The following EIF2AK3 variants were observed in gnomAD, a reference collection of about 807,000 sequenced individuals.
EIF2AK3 encodes the protein eukaryotic translation initiation factor 2 alpha kinase 3, also known as eukaryotic translation initiation factor 2-alpha kinase 3.
EIF2AK3 carries 50 observed loss-of-function variants against 113.5 expected under a neutral mutation model. That is an observed-to-expected ratio of 0.44 (90% CI 0.35 to 0.56). EIF2AK3 has a LOEUF of 0.56. EIF2AK3 is among the 20% of genes least tolerant of loss of function. EIF2AK3 has a pLI of 0.00. For missense variants in EIF2AK3, 1,185 were observed against 1,378.0 expected, an observed-to-expected ratio of 0.86 and a Z score of 2.22; for synonymous variants, 448 against 495.4, an observed-to-expected ratio of 0.90 and a Z score of 1.27.
intron 14 of EIF2AK3, 117 bp from the exon 15 acceptor site, chr2:88,562,507 T>A: frequency 1.2e-6 from 1 of 800,306 alleles, no homozygotes; most frequent in Non-Finnish European, 2.1e-6. Flanking sequence ...TGCAAGTACA[T>A]GTGTAAAAAT....
intron 10 of EIF2AK3, chr2:88,580,105 A>G (rs1223903598): frequency 5.3e-6 from 1 of 188,020 alleles, no homozygotes; most frequent in East Asian, 1.5e-4. Flanking sequence ...TATTTTAGCC[A>G]TAAACCTTCC....
At position 88,595,318 on chromosome 2, in the gene EIF2AK3, C is replaced by T; in HGVS notation, c.633+151G>A. The T allele has an allele frequency of 4.1e-6, 3 of 739,194 alleles. No homozygotes were observed. In the South Asian group the frequency reaches 5.3e-5, roughly 13 times the overall value. The allele number at this position is 739,194 out of a possible 1,614,324, so 45.8% of individuals were successfully genotyped here. On this transcript the variant is annotated intron_variant, in intron 3 of 16. Transcript: ENST00000303236. The stretch of plus-strand genomic sequence containing the variant: ...TTTATTCTGTTATTAGTTTCCCCTT[C>T]CTACCTCACAGTTCTCTTATTAAAA...
intron 1 of EIF2AK3, among the ~76,000 whole-genome samples, chr2:88,624,429 T>C (rs1675808941): frequency 6.6e-6 from 1 of 152,204 alleles, no homozygotes; most frequent in South Asian, 2.1e-4. Flanking sequence ...TTTAACCTCT[T>C]GCAATTTGAG....
At chr2:88,589,877 A>C (rs1674838060) in intron 6 of EIF2AK3, among the ~76,000 whole-genome samples, 1 of 152,056 alleles carries the variant, frequency 6.6e-6, no homozygotes, top group African/African-American at 2.4e-5. Context: ...ATGTTATATA[A>C]TGAGAATATT....
At chr2:88,572,631 T>C (rs1674341722) in intron 13 of EIF2AK3, among the ~76,000 whole-genome samples, 1 of 152,244 alleles carries the variant, frequency 6.6e-6, no homozygotes, top group South Asian at 2.1e-4. Context: ...TCACTTGATC[T>C]CAGCTAAAGC....
chr2:88,576,188 C>T (rs998137114), intron 12 of EIF2AK3, among the ~76,000 whole-genome samples: 13 of 152,128 alleles, frequency 8.5e-5, no homozygotes, highest in African/African-American at 3.1e-4. Flanking sequence ...CTATAAATCC[C>T]TCAATCAATC....
chr2:88,594,341 C>T (rs981563845), intron 3 of EIF2AK3, among the ~76,000 whole-genome samples: 3 of 152,164 alleles, frequency 2.0e-5, no homozygotes, highest in Non-Finnish European at 4.4e-5. Flanking sequence ...TACAGGCGTG[C>T]GTGCGCCACC....
Position 88,570,894 on chromosome 2 carries a change from G to A in EIF2AK3, c.2965C>T (p.Leu989=), listed in dbSNP as rs1674287688. The change falls in exon 14 of 17, where the codon CTG becomes TTG. Residue 989 remains leucine (L), a synonymous_variant. Coordinates refer to ENST00000303236, the MANE Select transcript of EIF2AK3 (RefSeq NM_004836.7). ...ARHTGQVGTK[L]YMSPEQIHGN... ...CTCACCTGCTCTGGGCTCATATACAGTTTGGTCCCTACTTGTCCTGTGTGT... is the reference window on the plus strand; with the variant it reads ...CTCACCTGCTCTGGGCTCATATACAATTTGGTCCCTACTTGTCCTGTGTGT... The A allele has an allele frequency of 1.2e-6, 2 of 1,614,056 alleles. No homozygotes were observed. Among genetic ancestry groups the A allele is most frequent in the African/African-American group, 2.7e-5 (2 of 74,926 alleles).
chr2:88,583,908 CAAAA>C (rs1231912843), intron 9 of EIF2AK3, among the ~76,000 whole-genome samples: 2 of 147,710 alleles, frequency 1.4e-5, no homozygotes, highest in South Asian at 2.1e-4. Flanking sequence ...AGCAAACAAA[CAAAA>C]AACCCAGTAA....
intron 14 of EIF2AK3, among the ~76,000 whole-genome samples, chr2:88,569,173 G>A (rs1337688982): frequency 6.6e-6 from 1 of 152,064 alleles, no homozygotes; most frequent in East Asian, 1.9e-4. Flanking sequence ...TTATAGGTGT[G>A]AGCCACTGCG....
chr2:88,561,961 AAT>A (rs1330035537), intron 15 of EIF2AK3, among the ~76,000 whole-genome samples: 4 of 152,256 alleles, frequency 2.6e-5, no homozygotes, highest in African/African-American at 9.6e-5. Context: ...CCAGCTTTTA[AAT>A]ATATGAGTGT....
intron 2 of EIF2AK3, among the ~76,000 whole-genome samples, chr2:88,613,415 T>C (rs1276097714): frequency 6.6e-6 from 1 of 152,212 alleles, no homozygotes; most frequent in Non-Finnish European, 1.5e-5. Context: ...GATCTTGTGA[T>C]GATAATAAAC....
At chr2:88,618,609 G>A (rs1675642824) in intron 1 of EIF2AK3, among the ~76,000 whole-genome samples, 1 of 152,208 alleles carries the variant, frequency 6.6e-6, no homozygotes, top group Non-Finnish European at 1.5e-5. Context: ...AGCACCCCAG[G>A]TGAGTCTCAT....
chr2:88,585,234 G>C (rs139381305), intron 9 of EIF2AK3, among the ~76,000 whole-genome samples: 6 of 152,246 alleles, frequency 3.9e-5, no homozygotes, highest in African/African-American at 1.4e-4. Context: ...ACTGATAAGG[G>C]AGAGCAAAAT....
Position 88,557,694 on chromosome 2 carries a change from ATT to A in EIF2AK3, c.*40_*41del. 6.2e-7 allele frequency: 1 copy of A among 1,600,464 alleles called. No homozygotes were observed. The highest frequency in any genetic ancestry group is 8.6e-7 in the Non-Finnish European group (1 of 1,167,600). ...ACAGGCATATTCTAAGAAGTAGGCT[ATT>A]ATCTGCATCACCTATTAGGGTTGCT... On this transcript the variant is annotated 3_prime_UTR_variant, in exon 17 of 17. Coordinates refer to ENST00000303236, the MANE Select transcript of EIF2AK3 (RefSeq NM_004836.7).
chr2:88,617,477 G>A (rs1029194576), intron 1 of EIF2AK3, among the ~76,000 whole-genome samples: 3 of 152,154 alleles, frequency 2.0e-5, no homozygotes, highest in Non-Finnish European at 4.4e-5. Flanking sequence ...AATAGACACT[G>A]CAGAGTACTG....
At chr2:88,595,222 A>C (rs545441370) in intron 3 of EIF2AK3, among the ~76,000 whole-genome samples, 1 of 151,320 alleles carries the variant, frequency 6.6e-6, no homozygotes, top group Middle Eastern at 3.4e-3. Flanking sequence ...AAAAAAAAAA[A>C]AAAAAAACAC....
chr2:88,622,599 C>T (rs1675754537), intron 1 of EIF2AK3, among the ~76,000 whole-genome samples: 1 of 152,214 alleles, frequency 6.6e-6, no homozygotes, highest in South Asian at 2.1e-4. Flanking sequence ...TAGTTCATTA[C>T]TTGCCTGAAG....
intron 2 of EIF2AK3, among the ~76,000 whole-genome samples, chr2:88,606,094 A>C (rs1254222977): frequency 6.6e-6 from 1 of 152,212 alleles, no homozygotes; most frequent in Non-Finnish European, 1.5e-5. Context: ...AGAAATATCA[A>C]GTTGATAACA....
Sources: allele counts gnomAD v4.1 joint callset (sites outside exome capture counted in the v4.1 genomes callset), GRCh38; gene constraint gnomAD v4.1.1; transcripts MANE v1.5; gene names NCBI Gene and HGNC (gene_info 2026-07-23, HGNC 2026-07-21).